Variants in ZNF536 observed in about 807,000 individuals in gnomAD.
ZNF536 encodes the protein zinc finger protein 536.
ZNF536 carries 13 observed loss-of-function variants against 84.5 expected under a neutral mutation model. The observed-to-expected ratio is 0.15, with a 90% CI of 0.10 to 0.24. The LOEUF is 0.24. Ranked by LOEUF, ZNF536 falls within the 10% of genes least tolerant of loss-of-function variation. The pLI is 1.00. For missense variants in ZNF536, 1,536 were observed against 1,747.5 expected (o/e 0.88, Z 2.16); for synonymous variants, 811 against 742.5 (o/e 1.09, Z -1.50).
intron 2 of ZNF536, among the ~76,000 whole-genome samples, chr19:30,530,841 G>A (rs1415755892): frequency 6.6e-6 from 1 of 152,232 alleles, no homozygotes; most frequent in African/African-American, 2.4e-5. Context: ...GAATCCAAGA[G>A]CAGATGCACG....
intron 1 of ZNF536, among the ~76,000 whole-genome samples, chr19:30,242,390 C>G (rs540483517): frequency 2.0e-4 from 30 of 152,248 alleles, no homozygotes; most frequent in Admixed American, 2.0e-3. Context: ...GGTATCCGTT[C>G]ACAGTTATTT....
At chr19:30,599,907 A>G (rs1369860571) in intron 1 of ZNF536, among the ~76,000 whole-genome samples, 1 of 152,122 alleles carries the variant, frequency 6.6e-6, no homozygotes, top group African/African-American at 2.4e-5. Flanking sequence ...TTAAGTGACA[A>G]ATCTCCAATC....
chr19:30,442,760 G>A (rs1202396664), intron 1 of ZNF536, among the ~76,000 whole-genome samples: 1 of 152,192 alleles, frequency 6.6e-6, no homozygotes, highest in Non-Finnish European at 1.5e-5. Flanking sequence ...TCTGAGGTTT[G>A]CAAAGCCGCT....
chr19:30,492,797 T>C (rs1251233642), intron 2 of ZNF536, among the ~76,000 whole-genome samples: 2 of 152,176 alleles, frequency 1.3e-5, no homozygotes. Flanking sequence ...AAGCATATAC[T>C]ATGGTAGTTT....
At chr19:30,699,605 G>T (rs1215875197) in intron 1 of ZNF536, among the ~76,000 whole-genome samples, 1 of 152,028 alleles carries the variant, frequency 6.6e-6, no homozygotes, top group Non-Finnish European at 1.5e-5. Flanking sequence ...TTGGAATTAG[G>T]AAATTTTTTT....
intron 1 of ZNF536, among the ~76,000 whole-genome samples, chr19:30,282,475 C>T (rs11084512): frequency 0.34 from 51,829 of 152,076 alleles, 10,883 homozygotes; most frequent in Non-Finnish European, 0.47. Context: ...GGACTTCCCC[C>T]GATGAAGACT....
At chr19:30,233,519 T>A (rs1251922921) in intron 1 of ZNF536, among the ~76,000 whole-genome samples, 1 of 146,458 alleles carries the variant, frequency 6.8e-6, no homozygotes, top group Non-Finnish European at 1.5e-5. Context: ...TTTTTAACAT[T>A]TTTTTTTTTT....
chr19:30,581,744 T>C (rs932625621), intron 1 of ZNF536, among the ~76,000 whole-genome samples: 2 of 152,000 alleles, frequency 1.3e-5, no homozygotes, highest in Non-Finnish European at 2.9e-5. Context: ...AAGACCAGCC[T>C]GGCCAACATG....
At chr19:30,357,843 C>T (rs1265723252) in intron 3 of ZNF536, among the ~76,000 whole-genome samples, 1 of 152,146 alleles carries the variant, frequency 6.6e-6, no homozygotes, top group East Asian at 1.9e-4. Context: ...CCACATCAGC[C>T]CACAGAGTCC....
intron 3 of ZNF536, among the ~76,000 whole-genome samples, chr19:30,544,402 T>A (rs1349460720): frequency 6.6e-6 from 1 of 152,206 alleles, no homozygotes; most frequent in African/African-American, 2.4e-5. Context: ...ACTCCAATGC[T>A]AGGAATTAGC....
At chr19:30,280,954 A>G (rs2045421125) in intron 1 of ZNF536, among the ~76,000 whole-genome samples, 2 of 152,112 alleles carry the variant, frequency 1.3e-5, no homozygotes, top group Non-Finnish European at 2.9e-5. Flanking sequence ...TTCAGTGAAC[A>G]TGGCTGGGCT....
intron 2 of ZNF536, among the ~76,000 whole-genome samples, chr19:30,324,258 CATCATCCATCA>C (rs1030337592): frequency 6.6e-6 from 1 of 152,184 alleles, no homozygotes; most frequent in Non-Finnish European, 1.5e-5. Flanking sequence ...CCATCCCATC[CATCATCCATCA>C]ATCATCCATC....
At chr19:30,438,605 G>A (rs1312125971) in intron 1 of ZNF536, among the ~76,000 whole-genome samples, 3 of 152,226 alleles carry the variant, frequency 2.0e-5, no homozygotes, top group African/African-American at 4.8e-5. Context: ...TCACTCCCTG[G>A]TGGGCTGGGA....
At chr19:30,567,287 C>G (rs1965771569) in intron 1 of ZNF536, among the ~76,000 whole-genome samples, 2 of 152,160 alleles carry the variant, frequency 1.3e-5, no homozygotes, top group South Asian at 2.1e-4. Flanking sequence ...TGGGGAGCAC[C>G]GTCTTGGAGC....
At chr19:30,366,582 GTCTATCTA>G (rs72156657) in intron 3 of ZNF536, among the ~76,000 whole-genome samples, 13,758 of 148,032 alleles carry the variant, frequency 0.093, 742 homozygotes, top group Non-Finnish European at 0.11. Context: ...TCTATCATTT[GTCTATCTA>G]TCTATCTATC....
intron 2 of ZNF536, among the ~76,000 whole-genome samples, chr19:30,533,531 A>G (rs969959715): frequency 1.6e-4 from 25 of 152,206 alleles, no homozygotes; most frequent in African/African-American, 6.0e-4. Context: ...AAAAAAAAAA[A>G]AAAGAATTAA....
intron 1 of ZNF536, among the ~76,000 whole-genome samples, chr19:30,382,546 G>T (rs1361045401): frequency 2.0e-5 from 3 of 150,350 alleles, no homozygotes; most frequent in Non-Finnish European, 4.4e-5. Context: ...GCATTCTTTT[G>T]GTGGATGGGA....
intron 1 of ZNF536, among the ~76,000 whole-genome samples, chr19:30,437,235 G>C (rs1255807420): frequency 6.6e-6 from 1 of 151,924 alleles, no homozygotes; most frequent in African/African-American, 2.4e-5. Context: ...TGGCATCTCT[G>C]GTGTCCTGAT....
At chr19:30,387,543 C>T (rs902774669) in intron 1 of ZNF536, among the ~76,000 whole-genome samples, 3 of 152,316 alleles carry the variant, frequency 2.0e-5, no homozygotes, top group Admixed American at 1.3e-4. Context: ...GAGAGCAGAG[C>T]GATCCCAATT....
Sources: allele counts gnomAD v4.1 joint callset (sites outside exome capture counted in the v4.1 genomes callset), GRCh38; gene constraint gnomAD v4.1.1; transcripts MANE v1.5; gene names NCBI Gene and HGNC (gene_info 2026-07-23, HGNC 2026-07-21).